Variants in NRXN1 observed in about 807,000 individuals in gnomAD.
NRXN1 encodes neurexin 1.
NRXN1 carries 39 observed loss-of-function variants against 150.9 expected under a neutral mutation model. That is an observed-to-expected ratio of 0.26 (90% CI 0.20 to 0.34). NRXN1 has a LOEUF of 0.34. NRXN1 is among the 10% of genes least tolerant of loss of function. The pLI is 1.00. For missense variants in NRXN1, 1,815 were observed against 1,949.9 expected (o/e 0.93, Z 1.30); for synonymous variants, 924 against 757.0 (o/e 1.22, Z -3.62).
intron 5 of NRXN1, among the ~76,000 whole-genome samples, chr2:50,630,619 CA>C (rs35878516): frequency 3.3e-5 from 5 of 151,704 alleles, no homozygotes; most frequent in Admixed American, 2.0e-4. Context: ...TTTTGTATGC[CA>C]AAAAACTAGC....
intron 21 of NRXN1, among the ~76,000 whole-genome samples, chr2:49,956,278 T>C (rs1674924839): frequency 6.6e-6 from 1 of 152,138 alleles, no homozygotes; most frequent in Admixed American, 6.6e-5. Flanking sequence ...CGTTTCCAAA[T>C]GCAAGGGATT....
chr2:49,956,903 G>A (rs977143425), intron 21 of NRXN1, among the ~76,000 whole-genome samples: 1 of 152,070 alleles, frequency 6.6e-6, no homozygotes, highest in Non-Finnish European at 1.5e-5. Context: ...GCCTACATTC[G>A]ATCAGGATAA....
chr2:50,211,986 T>C (rs1222981327), intron 18 of NRXN1, among the ~76,000 whole-genome samples: 1 of 151,688 alleles, frequency 6.6e-6, no homozygotes, highest in African/African-American at 2.4e-5. Context: ...TCAATATGAA[T>C]TCCTAATACA....
At chr2:50,225,000 A>G (rs2064235768) in intron 18 of NRXN1, among the ~76,000 whole-genome samples, 1 of 152,028 alleles carries the variant, frequency 6.6e-6, no homozygotes, top group South Asian at 2.1e-4. Context: ...AGGTGGAGCT[A>G]GCCATTAACA....
intron 5 of NRXN1, among the ~76,000 whole-genome samples, chr2:50,648,413 A>C (rs188804098): frequency 6.6e-6 from 1 of 152,098 alleles, no homozygotes; most frequent in East Asian, 1.9e-4. Context: ...AGTATATAAA[A>C]TGTGTATTTG....
intron 5 of NRXN1, among the ~76,000 whole-genome samples, chr2:50,742,241 T>C (rs982430363): frequency 2.0e-5 from 3 of 151,588 alleles, no homozygotes; most frequent in African/African-American, 4.8e-5. Flanking sequence ...AATATTTACA[T>C]ATATATAAAT....
intron 2 of NRXN1, among the ~76,000 whole-genome samples, chr2:50,942,463 A>C (rs1398425783): frequency 6.6e-6 from 1 of 152,116 alleles, no homozygotes; most frequent in African/African-American, 2.4e-5. Flanking sequence ...CAGCCTGTGA[A>C]AGCAGCCACA....
intron 18 of NRXN1, among the ~76,000 whole-genome samples, chr2:50,094,967 A>G (rs1324317257): frequency 6.6e-6 from 1 of 152,126 alleles, no homozygotes; most frequent in Non-Finnish European, 1.5e-5. Flanking sequence ...GGCTAAGCTC[A>G]ACTAGATGGC....
chr2:50,076,028 C>G (rs1041718609), intron 19 of NRXN1, among the ~76,000 whole-genome samples: 3 of 152,236 alleles, frequency 2.0e-5, no homozygotes, highest in Non-Finnish European at 4.4e-5. Context: ...CCACATTTTA[C>G]TCTTCTGTGA....
At chr2:50,549,739 A>G (rs1030834644) in intron 9 of NRXN1, among the ~76,000 whole-genome samples, 9 of 152,202 alleles carry the variant, frequency 5.9e-5, no homozygotes, top group African/African-American at 2.2e-4. Flanking sequence ...AAACAGAAAA[A>G]GTAGATTTTA....
chr2:50,180,719 T>G (rs1429466220), intron 18 of NRXN1, among the ~76,000 whole-genome samples: 2 of 152,080 alleles, frequency 1.3e-5, no homozygotes, highest in Non-Finnish European at 2.9e-5. Flanking sequence ...GTCTTGAACT[T>G]CCCAGCCTCT....
intron 21 of NRXN1, among the ~76,000 whole-genome samples, chr2:49,980,409 A>T (rs1679803753): frequency 6.6e-6 from 1 of 152,172 alleles, no homozygotes; most frequent in South Asian, 2.1e-4. Flanking sequence ...CATATCAACA[A>T]GATTTCAATG....
intron 18 of NRXN1, among the ~76,000 whole-genome samples, chr2:50,141,749 C>T (rs1462254662): frequency 6.6e-6 from 1 of 151,984 alleles, no homozygotes; most frequent in Non-Finnish European, 1.5e-5. Context: ...AAATCCAAAC[C>T]TCCATCAGAT....
intron 21 of NRXN1, among the ~76,000 whole-genome samples, chr2:50,050,599 C>T (rs1692564097): frequency 2.0e-5 from 3 of 151,982 alleles, no homozygotes. Flanking sequence ...ATGCTTCATC[C>T]AACCTGTAAA....
chr2:50,854,527 A>T (rs1264281272), intron 5 of NRXN1, among the ~76,000 whole-genome samples: 1 of 152,086 alleles, frequency 6.6e-6, no homozygotes, highest in Admixed American at 6.6e-5. Context: ...TGTCTTACAT[A>T]TTTCAAATCA....
At chr2:50,917,754 C>T (rs539912129) in intron 5 of NRXN1, 69 of 151,710 alleles carry the variant, frequency 4.5e-4, no homozygotes, top group African/African-American at 1.6e-3. Context: ...CTTGGACTTC[C>T]CAGCCTCCAG....
intron 5 of NRXN1, among the ~76,000 whole-genome samples, chr2:50,797,341 T>C (rs1275886585): frequency 6.6e-6 from 1 of 152,024 alleles, no homozygotes; most frequent in Non-Finnish European, 1.5e-5. Context: ...TCACTGGAGA[T>C]ATTGCTCCCC....
rs559474647 is a variant in NRXN1 at position 51,016,815 on chromosome 2, T to G, written c.772+10687A>C. On this transcript the variant is annotated intron_variant, in intron 2 of 22. Coordinates refer to ENST00000401669, the MANE Select transcript of NRXN1 (RefSeq NM_001330078.2). ...AAGACACATGCACATATATGTTTAT[T>G]GCAGCACTATGCACAATTGCAAAGA... is the stretch of plus-strand genomic sequence containing the variant. Among the ~76,000 whole-genome samples the G allele has an allele frequency of 2.6e-5, 4 of 152,250 alleles. No individual in the cohort carries two copies. The South Asian group carries it at 8.3e-4, about 32-fold the overall frequency.
chr2:50,420,929 C>T (rs2083934063), intron 17 of NRXN1, among the ~76,000 whole-genome samples: 1 of 148,330 alleles, frequency 6.7e-6, no homozygotes, highest in African/African-American at 2.5e-5. Flanking sequence ...TAAACAGATG[C>T]ATCTGGTCCT....
Sources: gnomAD v4.1 joint callset for allele counts (sites outside exome capture counted in the v4.1 genomes callset) on GRCh38, gnomAD v4.1.1 for gene constraint, MANE v1.5 for transcripts, NCBI Gene and HGNC (gene_info 2026-07-23, HGNC 2026-07-21) for gene names.